The following CEP135 variants were observed in gnomAD, a reference collection of about 807,000 sequenced individuals.
CEP135 encodes centrosomal protein 135, also known as centrosomal protein of 135 kDa.
CEP135 carries 142 observed loss-of-function variants against 157.3 expected under a neutral mutation model. The ratio of observed to expected loss-of-function variants is 0.90; its 90% CI spans 0.79 to 1.04. The LOEUF (loss-of-function observed/expected upper bound fraction) is 1.04, where lower values mean the gene tolerates loss of function less well. Among genes scored for constraint, CEP135 ranks in the 50% least tolerant of loss-of-function variants. The pLI, the probability that CEP135 is intolerant of heterozygous loss-of-function variation, is 0.00. For missense variants in CEP135, 1,317 were observed against 1,309.2 expected (o/e 1.01, Z -0.09); for synonymous variants, 396 against 439.8 (o/e 0.90, Z 1.25).
intron 11 of CEP135, among the ~76,000 whole-genome samples, chr4:55,975,551 A>G (rs1729175669): frequency 6.6e-6 from 1 of 152,240 alleles, no homozygotes; most frequent in Non-Finnish European, 1.5e-5. Context: ...GCATCTCCCA[A>G]TGTGTGTATT....
chr4:55,983,638 CTTT>C (rs11356001), intron 13 of CEP135, among the ~76,000 whole-genome samples: 2 of 146,986 alleles, frequency 1.4e-5, no homozygotes, highest in Non-Finnish European at 1.5e-5. Flanking sequence ...ACAATAGCCT[CTTT>C]TTTTTTTTTT....
At chr4:55,969,445 AAAAG>A (rs1456083096) in intron 9 of CEP135, among the ~76,000 whole-genome samples, 2 of 151,648 alleles carry the variant, frequency 1.3e-5, no homozygotes, top group African/African-American at 2.4e-5. Context: ...AAAAAAAAAA[AAAAG>A]AAAAGAAAAT....
Position 55,981,280 on chromosome 4 carries a change from C to T in CEP135, c.1680C>T (p.Pro560=), listed in dbSNP as rs1361665268. 8 of 1,597,716 alleles carry T rather than the reference C, an allele frequency of 5.0e-6. No individual in the cohort carries two copies. The highest frequency in any genetic ancestry group is 1.7e-6 in the Non-Finnish European group (2 of 1,174,602). ...LRKESTQTTA[P]HNIVSLMEKE... is the part of the protein sequence containing the mutation. The stretch of plus-strand genomic sequence containing the variant: ...AGGAATCCACCCAAACCACAGCACC[C>T]CATAATATTGTTAGTCTTATGGAAA... The change falls in exon 13 of 26, where the codon CCC becomes CCT. Residue 560 remains proline (P), a synonymous_variant. Transcript: ENST00000257287.
chr4:55,976,734 T>A (rs1291332040), intron 11 of CEP135, among the ~76,000 whole-genome samples: 1 of 152,154 alleles, frequency 6.6e-6, no homozygotes, highest in Non-Finnish European at 1.5e-5. Flanking sequence ...AGTACCTGAA[T>A]GAAATGGGTG....
rs766001846 is a variant in CEP135 at position 56,009,801 on chromosome 4, A to G, written c.2403A>G (p.Ala801=). The G allele has an allele frequency of 1.2e-6, 2 of 1,613,990 alleles. No homozygotes were observed. The highest frequency in any genetic ancestry group is 2.7e-5 in the African/African-American group (2 of 74,956). Residue 801 remains alanine, a synonymous_variant, in exon 19 of 26, where the codon GCA becomes GCG. Coordinates refer to ENST00000257287, the MANE Select transcript of CEP135 (RefSeq NM_025009.5). ...EINSLRRQLD[A]AHKELDEVGR... ...ACAGCCTCCGGCGCCAGCTTGATGC[A>G]GCTCACAAAGAACTCGATGAAGTAG...
At chr4:55,964,520 A>G in intron 7 of CEP135, 118 bp downstream of exon 7, 1 of 728,952 alleles carries the variant, frequency 1.4e-6, no homozygotes, top group Non-Finnish European at 2.0e-6. Context: ...CTGAGGTATT[A>G]TTTGCAATGG....
intron 15 of CEP135, among the ~76,000 whole-genome samples, chr4:55,995,744 T>C (rs1375725826): frequency 6.6e-6 from 1 of 152,248 alleles, no homozygotes; most frequent in Admixed American, 6.5e-5. Context: ...AGCTGTAGTT[T>C]GTCAACCCCT....
chr4:55,961,639 C>T (rs1728682725), intron 6 of CEP135, among the ~76,000 whole-genome samples: 2 of 151,654 alleles, frequency 1.3e-5, no homozygotes, highest in South Asian at 2.1e-4. Flanking sequence ...TGGCGCATTC[C>T]TGTAATCCCA....
chr4:56,027,993 C>A (rs1731211694), intron 25 of CEP135, among the ~76,000 whole-genome samples: 1 of 152,136 alleles, frequency 6.6e-6, no homozygotes. Flanking sequence ...TATGAATTTG[C>A]CTATTTTACA....
intron 11 of CEP135, 46 bp from the exon 12 acceptor site, chr4:55,980,097 C>T: frequency 6.8e-7 from 1 of 1,472,644 alleles, no homozygotes; most frequent in Non-Finnish European, 9.4e-7. Context: ...ATCCTTGTGA[C>T]AACCATGTGG....
rs58245269 is a variant in CEP135 at position 55,988,966 on chromosome 4, GA to G, written c.1858-2954del. 8.4e-4 allele frequency among the ~76,000 whole-genome samples: 103 copies of G among 122,654 alleles called. 1 individual carries two copies. Among genetic ancestry groups the G allele is most frequent in the East Asian group, 1.5e-3 (6 of 4,130 alleles). The allele number at this position is 122,654 out of a possible 152,430, so 80.5% of individuals were successfully genotyped here. ...GGGAGACAGAGCAAGACTCCGTCTC[GA>G]AAAAAAAAAAAAACATAATAAAACA... On this transcript the variant is annotated intron_variant, in intron 14 of 25. Coordinates refer to ENST00000257287, the MANE Select transcript of CEP135 (RefSeq NM_025009.5).
chr4:55,952,205 G>C lies in CEP135; in HGVS notation c.75G>C (p.Leu25=), dbSNP rs1177147655. The part of the protein sequence containing the change: ...RLDQLGYRQT[L]TVECLPLVEK... ...ATCAGCTGGGATACCGCCAGACTCT[G>C]ACAGTGGAGTGTTTACCTTTGGTAG... Residue 25 remains leucine, a synonymous_variant, in exon 2 of 26, where the codon CTG becomes CTC. Coordinates refer to ENST00000257287, the MANE Select transcript of CEP135 (RefSeq NM_025009.5). 6.2e-7 allele frequency: 1 copy of C among 1,613,084 alleles called. No individual in the cohort carries two copies. Among genetic ancestry groups the C allele is most frequent in the African/African-American group, 1.3e-5 (1 of 74,928 alleles).
At chr4:55,985,257 A>G in intron 13 of CEP135, 24 bp from the exon 14 acceptor site, 1 of 1,372,694 alleles carries the variant, frequency 7.3e-7, no homozygotes, top group Non-Finnish European at 1.0e-6. Flanking sequence ...ACAAATGAAC[A>G]TTTTCTTTAA....
intron 19 of CEP135, among the ~76,000 whole-genome samples, chr4:56,010,406 A>G (rs1475906211): frequency 6.6e-6 from 1 of 152,004 alleles, no homozygotes; most frequent in Non-Finnish European, 1.5e-5. Context: ...CTCTGTCAAA[A>G]AAAAAACACA....
rs560615986 is a variant in CEP135, at chr4:56,029,906, A to G, written c.*12-1454A>G. ...GTGAGTGAACGTGAAGGCCTAGGAC[A>G]TTCCTGTTCACTGCTATAGACTTTA... is the stretch of plus-strand genomic sequence containing the variant. On this transcript the variant is annotated intron_variant, in intron 25 of 25. Coordinates refer to ENST00000257287, the MANE Select transcript of CEP135 (RefSeq NM_025009.5). Among the ~76,000 whole-genome samples, 24 of 152,348 alleles carry G rather than the reference A, an allele frequency of 1.6e-4. No homozygotes were observed. In the East Asian group the frequency reaches 4.6e-3, roughly 29 times the overall value.
intron 13 of CEP135, among the ~76,000 whole-genome samples, chr4:55,984,272 A>G (rs750578215): frequency 5.3e-5 from 8 of 152,158 alleles, no homozygotes; most frequent in Admixed American, 6.6e-5. Context: ...AGCCTTCTAC[A>G]TAGACTATTG....
At chr4:55,970,286 G>A (rs1326018380) in intron 9 of CEP135, among the ~76,000 whole-genome samples, 1 of 152,112 alleles carries the variant, frequency 6.6e-6, no homozygotes, top group African/African-American at 2.4e-5. Flanking sequence ...AAGCCTAAAT[G>A]TAGCATACAG....
At chr4:55,990,054 G>A (rs1729733496) in intron 14 of CEP135, among the ~76,000 whole-genome samples, 1 of 152,200 alleles carries the variant, frequency 6.6e-6, no homozygotes, top group South Asian at 2.1e-4. Context: ...AGTGGTGACT[G>A]ATCCATCTTC....
intron 10 of CEP135, among the ~76,000 whole-genome samples, chr4:55,974,510 A>C (rs940978029): frequency 6.6e-6 from 1 of 152,210 alleles, no homozygotes; most frequent in Non-Finnish European, 1.5e-5. Context: ...ACGATAAGAC[A>C]AAAGCAGGGA....
Sources: gnomAD v4.1 joint callset for allele counts (sites outside exome capture counted in the v4.1 genomes callset) on GRCh38, gnomAD v4.1.1 for gene constraint, MANE v1.5 for transcripts, NCBI Gene and HGNC (gene_info 2026-07-23, HGNC 2026-07-21) for gene names.